The following EDIL3 variants were observed in gnomAD, a reference collection of about 807,000 sequenced individuals.
EDIL3 encodes EGF-like repeat and discoidin I-like domain-containing protein 3.
Under a neutral mutation model 67.4 loss-of-function variants are expected in EDIL3, and 37 were observed. That is an observed-to-expected ratio of 0.55 (90% CI 0.42 to 0.72). The LOEUF is 0.72. Ranked by LOEUF, EDIL3 falls within the 30% of genes least tolerant of loss-of-function variation. The pLI, the probability that EDIL3 is intolerant of heterozygous loss-of-function variation, is 0.00. For missense variants in EDIL3, 527 were observed against 586.3 expected (o/e 0.90, Z 1.04); for synonymous variants, 195 against 196.3 (o/e 0.99, Z 0.05).
At chr5:84,371,172 G>C (rs1747836281) in intron 1 of EDIL3, among the ~76,000 whole-genome samples, 1 of 151,060 alleles carries the variant, frequency 6.6e-6, no homozygotes, top group Non-Finnish European at 1.5e-5. Flanking sequence ...AGGGAAATAT[G>C]ATGTGTATGT....
Position 84,060,320 on chromosome 5 carries a change from C to A in EDIL3, c.1117G>T (p.Asp373Tyr). ...KVNAWTSGHN[D>Y]QSQWLQVDLL... ...TTTACCTGTAACCATTGTGACTGGTCATTGTGGCCAGAGGTCCAGGCATTC... is the reference window on the plus strand; with the variant it reads ...TTTACCTGTAACCATTGTGACTGGTAATTGTGGCCAGAGGTCCAGGCATTC... The change falls in exon 9 of 11, where the codon GAC becomes TAC. Residue 373 changes from aspartate (D) to tyrosine (Y), a missense_variant. By Grantham distance (160) the Asp-to-Tyr change is radical. This residue lies in a region of EDIL3 where 494 missense variants were observed against 522.5 expected (regional missense o/e 0.95). Transcript: ENST00000296591. 6.2e-7 allele frequency: 1 copy of A among 1,613,662 alleles called. No homozygotes were observed. Among genetic ancestry groups the A allele is most frequent in the South Asian group, 1.1e-5 (1 of 91,048 alleles).
At chr5:84,309,604 T>G (rs1746345134) in intron 1 of EDIL3, among the ~76,000 whole-genome samples, 1 of 152,058 alleles carries the variant, frequency 6.6e-6, no homozygotes, top group African/African-American at 2.4e-5. Flanking sequence ...TTTGGTTTTT[T>G]GTCCTTGCGA....
At chr5:84,255,084 A>G (rs960357078) in intron 1 of EDIL3, among the ~76,000 whole-genome samples, 9 of 152,172 alleles carry the variant, frequency 5.9e-5, no homozygotes, top group Admixed American at 5.9e-4. Context: ...CTGCCTGCAT[A>G]TGATAAGGTG....
At chr5:84,266,571 G>A (rs1745352892) in intron 1 of EDIL3, among the ~76,000 whole-genome samples, 1 of 152,186 alleles carries the variant, frequency 6.6e-6, no homozygotes, top group Non-Finnish European at 1.5e-5. Flanking sequence ...CCTATCCCAG[G>A]TCCCATGTAG....
At chr5:84,248,615 C>A (rs779556332) in intron 2 of EDIL3, among the ~76,000 whole-genome samples, 18 of 152,142 alleles carry the variant, frequency 1.2e-4, no homozygotes, top group Non-Finnish European at 2.4e-4. Context: ...TAGATAATGT[C>A]TATCAAATTT....
chr5:84,331,313 G>A (rs908199154), intron 1 of EDIL3, among the ~76,000 whole-genome samples: 8 of 152,092 alleles, frequency 5.3e-5, no homozygotes, highest in African/African-American at 1.9e-4. Flanking sequence ...AGGGGCCCAG[G>A]GATGGACTGA....
chr5:84,116,282 C>T (rs1312008233), intron 5 of EDIL3, among the ~76,000 whole-genome samples: 1 of 150,914 alleles, frequency 6.6e-6, no homozygotes, highest in Non-Finnish European at 1.5e-5. Context: ...AATACTAGCA[C>T]ACTTCGAAAA....
intron 5 of EDIL3, among the ~76,000 whole-genome samples, chr5:84,134,597 A>G (rs567654737): frequency 9.2e-5 from 14 of 152,308 alleles, no homozygotes; most frequent in African/African-American, 3.4e-4. Flanking sequence ...GCAAAACTAA[A>G]TCATTACCCC....
At chr5:84,353,617 A>G (rs966376758) in intron 1 of EDIL3, among the ~76,000 whole-genome samples, 3 of 152,194 alleles carry the variant, frequency 2.0e-5, no homozygotes, top group African/African-American at 7.2e-5. Flanking sequence ...ACAAAGAATA[A>G]ATAATTGATT....
chr5:83,973,622 T>C (rs566446279), intron 9 of EDIL3, among the ~76,000 whole-genome samples: 2 of 152,170 alleles, frequency 1.3e-5, no homozygotes, highest in South Asian at 4.1e-4. Flanking sequence ...AAAAACTATC[T>C]GAATATATCT....
rs1475154687 is a variant in EDIL3, at chr5:84,035,018, C to CATTTTTTA, written c.1137+25281_1137+25282insTAAAAAAT. Among the ~76,000 whole-genome samples the CATTTTTTA allele has an allele frequency of 9.2e-5, 14 of 152,132 alleles. No homozygotes were observed. The South Asian group carries it at 2.9e-3, about 32-fold the overall frequency. On this transcript the variant is annotated intron_variant, in intron 9 of 10. Transcript: ENST00000296591. Reference sequence around the variant, plus strand: ...TTTCTGGGACATTTTTTGTCATAGACTGTAAGACCATACTGATGTTTTTTT... The same window carrying CATTTTTTA: ...TTTCTGGGACATTTTTTGTCATAGACATTTTTTATGTAAGACCATACTGATGTTTTTTT...
chr5:84,202,369 C>A (rs1013061309), intron 3 of EDIL3, among the ~76,000 whole-genome samples: 2 of 152,108 alleles, frequency 1.3e-5, no homozygotes, highest in Non-Finnish European at 2.9e-5. Context: ...ACAAGTTCAT[C>A]TTGACTGACT....
At chr5:84,192,370 G>C (rs1294797753) in intron 3 of EDIL3, among the ~76,000 whole-genome samples, 5 of 151,888 alleles carry the variant, frequency 3.3e-5, no homozygotes, top group African/African-American at 4.8e-5. Context: ...CCCTGTTCAT[G>C]ATAATGAACC....
At chr5:84,204,735 T>C (rs1317422320) in intron 3 of EDIL3, among the ~76,000 whole-genome samples, 5 of 150,062 alleles carry the variant, frequency 3.3e-5, no homozygotes, top group Non-Finnish European at 1.5e-5. Flanking sequence ...GATCTCAAAA[T>C]AGTTCTTAAA....
intron 4 of EDIL3, among the ~76,000 whole-genome samples, chr5:84,164,438 T>C (rs557061802): frequency 2.0e-4 from 31 of 152,194 alleles, no homozygotes; most frequent in African/African-American, 7.2e-4. Flanking sequence ...TAAATATTTA[T>C]AGTACAGCTA....
chr5:84,036,596 C>T (rs1746026282), intron 9 of EDIL3, among the ~76,000 whole-genome samples: 1 of 152,094 alleles, frequency 6.6e-6, no homozygotes, highest in Admixed American at 6.6e-5. Flanking sequence ...TGCCAACAAA[C>T]CTCAAGCAGG....
rs1744215944 is a variant in EDIL3 at position 83,941,077 on chromosome 5, G to T, written c.*2342C>A. The T allele has an allele frequency of 6.6e-6, 1 of 151,904 alleles. No individual in the cohort carries two copies. Among genetic ancestry groups the T allele is most frequent in the Non-Finnish European group, 1.5e-5 (1 of 67,874 alleles). 9.4% of individuals were successfully genotyped at this position (151,904 alleles called of 1,614,324 possible). On this transcript the variant is annotated 3_prime_UTR_variant, in exon 11 of 11. Transcript: ENST00000296591. ...ACTGGTTTTAGTGTGAATTTACATA[G>T]AATAAATTTACTTCACTTTCATGTC...
At chr5:84,232,378 A>G (rs1744598728) in intron 2 of EDIL3, among the ~76,000 whole-genome samples, 1 of 137,242 alleles carries the variant, frequency 7.3e-6, no homozygotes, top group East Asian at 2.3e-4. Flanking sequence ...GGTTAAACAA[A>G]GCACCCTAAA....
chr5:84,017,326 G>A (rs1463041751), intron 9 of EDIL3, among the ~76,000 whole-genome samples: 1 of 152,180 alleles, frequency 6.6e-6, no homozygotes, highest in Non-Finnish European at 1.5e-5. Flanking sequence ...TTGGTACACA[G>A]AGAGGTTCCA....
Sources: allele counts gnomAD v4.1 joint callset (sites outside exome capture counted in the v4.1 genomes callset), GRCh38; gene constraint gnomAD v4.1.1; regional missense constraint gnomAD v4.1.1; transcripts MANE v1.5; gene names NCBI Gene and HGNC (gene_info 2026-07-23, HGNC 2026-07-21).